PLEC: variants seen among roughly 807,000 people sequenced by gnomAD.
PLEC encodes the protein plectin, also known as hemidesmosomal protein 1.
PLEC carries 216 observed loss-of-function variants against 392.8 expected under a neutral mutation model. The observed-to-expected ratio is 0.55, with a 90% confidence interval of 0.49 to 0.62. The LOEUF is 0.62. Among genes scored for constraint, PLEC ranks in the 20% least tolerant of loss-of-function variants. The pLI is 0.00. For synonymous variants in PLEC, 3,621 were observed against 2,980.6 expected, an observed-to-expected ratio of 1.21 and a Z score of -7.00; for missense variants, 6,863 against 6,563.4, an observed-to-expected ratio of 1.05 and a Z score of -1.58.
At chr8:143,946,302 C>A (rs782529762) in intron 1 of PLEC, 2 of 1,255,622 alleles carry the variant, frequency 1.6e-6, no homozygotes, top group South Asian at 2.5e-5. Context: ...AGAGGCGGCC[C>A]CGGCCCTCTC....
intron 1 of PLEC, chr8:143,944,806 T>G: frequency 1.1e-6 from 1 of 872,738 alleles, no homozygotes; most frequent in Non-Finnish European, 1.6e-6. Context: ...AGCAGCAGCT[T>G]GTGGGGGAGG....
Position 143,929,748 on chromosome 8 carries a change from G to A in PLEC, c.2821C>T (p.Gln941Ter). 1 of 1,600,008 alleles carries A rather than the reference G, an allele frequency of 6.2e-7. No individual in the cohort carries two copies. Among genetic ancestry groups the A allele is most frequent in the Non-Finnish European group, 8.5e-7 (1 of 1,179,198 alleles). The change falls in exon 23 of 32, where the codon CAG becomes TAG. Residue 941 changes from glutamine (Q) to a stop codon, truncating the protein, a stop_gained. Transcript: ENST00000345136. LOFTEE classifies it high-confidence loss of function. ...LHYQAFLRDSQDAGGFGPEDR... is the reference protein window; with the variant it reads ...LHYQAFLRDS ...TCGGGTCCGAAGCCGCCCGCGTCCT[G>A]GCTGTCCCGCAGGAAGGCCTGGTAG...
intron 1 of PLEC, among the ~76,000 whole-genome samples, chr8:143,947,224 G>GGA (rs1270265397): frequency 6.6e-6 from 1 of 152,218 alleles, no homozygotes; most frequent in Non-Finnish European, 1.5e-5. Flanking sequence ...GGTCAAGGGG[G>GGA]GAGGTCAAGG....
rs782269448 is a variant in PLEC at position 143,932,267 on chromosome 8, C to T, written c.1978-33G>A. 1.6e-5 allele frequency: 25 copies of T among 1,608,972 alleles called. No individual in the cohort carries two copies. In the South Asian group the frequency reaches 1.9e-4, roughly 12 times the overall value. ...CAGAGCAAAGGGTCTCAGGGACGGCCGGCCACACCCGGCTCTGCCACGCTC... is the reference window on the plus strand; with the variant it reads ...CAGAGCAAAGGGTCTCAGGGACGGCTGGCCACACCCGGCTCTGCCACGCTC... On this transcript the variant is annotated intron_variant, in intron 16 of 31. Coordinates refer to ENST00000345136, the MANE Select transcript of PLEC (RefSeq NM_201384.3).
rs781873617 is a variant in PLEC at position 143,922,366 on chromosome 8, C to T, written c.7455G>A (p.Leu2485=). The T allele has an allele frequency of 6.2e-7, 1 of 1,603,584 alleles. No homozygotes were observed. Among genetic ancestry groups the T allele is most frequent in the South Asian group, 1.1e-5 (1 of 91,060 alleles). The part of the protein sequence containing the change: ...EMQTVQQEQL[L]QETQALQQSF... ...TTTGCTGCAGGGCCTGCGTCTCCTG[C>T]AGCAGCTGCTCCTGCTGCACCGTCT... Residue 2485 remains leucine, a synonymous_variant, in exon 32 of 32, where the codon CTG becomes CTA. Coordinates refer to ENST00000345136, the MANE Select transcript of PLEC (RefSeq NM_201384.3).
At position 143,933,261 on chromosome 8, in the gene PLEC, G is replaced by A. The variant is rs1266909152; in HGVS notation, c.1354C>T (p.Leu452Phe). The A allele has an allele frequency of 6.2e-7, 1 of 1,613,070 alleles. No homozygotes were observed. The highest frequency in any genetic ancestry group is 8.5e-7 in the Non-Finnish European group (1 of 1,179,984). ...TTGAGGGTCTGCACGTCGTTGAAGA[G>A]CAGCCGGATCATGCTATCCGCCTTG... ...LDKADSMIRL[L>F]FNDVQTLKDG... Residue 452 changes from leucine to phenylalanine, a missense_variant, in exon 13 of 32, where the codon CTC becomes TTC. By Grantham distance (22) the Leu-to-Phe change is conservative. Transcript: ENST00000345136.
In PLEC at chr8:143,920,111, G is replaced by T; in HGVS notation, c.9710C>A (p.Thr3237Asn). 1.9e-6 allele frequency: 3 copies of T among 1,613,050 alleles called. No individual in the cohort carries two copies. The highest frequency in any genetic ancestry group is 1.3e-5 in the African/African-American group (1 of 75,062). Residue 3237 changes from threonine (T) to asparagine (N), a missense_variant, in exon 32 of 32, where the codon ACC (threonine) becomes AAC (asparagine). By Grantham distance (65) the Thr-to-Asn change is moderately conservative. Coordinates refer to ENST00000345136, the MANE Select transcript of PLEC (RefSeq NM_201384.3). The part of the protein sequence containing the change: ...ELQARETFEK[T>N]PVEVPVGGFK... The stretch of plus-strand genomic sequence containing the variant: ...GCCACCCACGGGGACCTCAACCGGG[G>T]TCTTTTCAAAGGTCTCACGGGCCTG...
chr8:143,922,370 A>G lies in PLEC; in HGVS notation c.7451T>C (p.Leu2484Pro). ...EEMQTVQQEQ[L>P]LQETQALQQS... The stretch of plus-strand genomic sequence containing the variant: ...CTGCAGGGCCTGCGTCTCCTGCAGC[A>G]GCTGCTCCTGCTGCACCGTCTGCAT... The change falls in exon 32 of 32, where the codon CTG (leucine) becomes CCG (proline). Residue 2484 changes from leucine (L) to proline (P), a missense_variant. Transcript: ENST00000345136. 1 of 1,603,368 alleles carries G rather than the reference A, an allele frequency of 6.2e-7. No individual in the cohort carries two copies. Among genetic ancestry groups the G allele is most frequent in the Non-Finnish European group, 8.5e-7 (1 of 1,179,968 alleles).
chr8:143,968,409 A>C (rs1405405188), intron 1 of PLEC, among the ~76,000 whole-genome samples: 1 of 151,904 alleles, frequency 6.6e-6, no homozygotes, highest in African/African-American at 2.4e-5. Context: ...ATCTCTACTA[A>C]AAATACAAAA....
intron 1 of PLEC, among the ~76,000 whole-genome samples, chr8:143,947,251 G>C (rs1034002748): frequency 6.6e-6 from 1 of 152,188 alleles, no homozygotes; most frequent in Admixed American, 6.5e-5. Flanking sequence ...CGTGTCCTCC[G>C]TGTAGAGGGG....
At chr8:143,964,315 G>A (rs782329137) in intron 1 of PLEC, among the ~76,000 whole-genome samples, 56 of 152,284 alleles carry the variant, frequency 3.7e-4, no homozygotes, top group Non-Finnish European at 3.5e-4. Context: ...TTTGGAAAAA[G>A]GGTCTTTGCA....
rs1285701720 is a variant in PLEC, at chr8:143,915,961, G to A, written c.*216C>T. On this transcript the variant is annotated 3_prime_UTR_variant, in exon 32 of 32. Coordinates refer to ENST00000345136, the MANE Select transcript of PLEC (RefSeq NM_201384.3). ...CAGGTAGAAGGGAGTGAGGAGACCC[G>A]AGGGGGTGAGGCGGCCAGCAGGGCT... is the stretch of plus-strand genomic sequence containing the variant. The A allele has an allele frequency of 2.8e-5, 12 of 435,968 alleles. No homozygotes were observed. The highest frequency in any genetic ancestry group is 4.2e-5 in the Admixed American group (1 of 23,900). 27.0% of individuals were successfully genotyped at this position (435,968 alleles called of 1,614,324 possible). A position where few individuals can be genotyped will look rare whatever the true frequency, so the allele number is the denominator to read the frequency against.
At chr8:143,960,656 C>T (rs1361686694) in intron 1 of PLEC, among the ~76,000 whole-genome samples, 1 of 152,072 alleles carries the variant, frequency 6.6e-6, no homozygotes, top group Non-Finnish European at 1.5e-5. Context: ...TACATTCTTC[C>T]CTTCACTAAA....
rs768777924 is a variant in PLEC, at chr8:143,965,449, C to T, written c.70+7954G>A. Among the ~76,000 whole-genome samples the T allele has an allele frequency of 2.0e-5, 3 of 152,252 alleles. No homozygotes were observed. In the East Asian group the frequency reaches 5.8e-4, roughly 29 times the overall value. On this transcript the variant is annotated intron_variant, in intron 1 of 31. Transcript: ENST00000356346. ...CCTTCCACTGGGCCTACAGATGACC[C>T]GGCCCATGCCCCATTTTGGGTCCCT...
chr8:143,926,067 G>A (rs1825065665), intron 30 of PLEC, among the ~76,000 whole-genome samples, 183 bp from the exon 31 acceptor site: 2 of 152,276 alleles, frequency 1.3e-5, no homozygotes, highest in Admixed American at 6.5e-5. Flanking sequence ...AGCGATCGCA[G>A]CCGGCCCCAC....
intron 18 of PLEC, 100 bp from the exon 19 acceptor site, chr8:143,931,759 G>A (rs2131856519): frequency 6.5e-7 from 1 of 1,538,598 alleles, no homozygotes; most frequent in Non-Finnish European, 8.8e-7. Flanking sequence ...TGAGGAAGGA[G>A]TGGCAAAGCC....
At chr8:143,937,854 C>A in intron 3 of PLEC, 1 of 604,624 alleles carries the variant, frequency 1.7e-6, no homozygotes, top group Non-Finnish European at 3.1e-6. Context: ...AGCAGAGAAA[C>A]CAAAGCAAAG....
chr8:143,939,604 T>C, upstream of PLEC: 2 of 1,484,952 alleles, frequency 1.3e-6, no homozygotes, highest in Non-Finnish European at 1.8e-6. Flanking sequence ...CCCCAGTCGG[T>C]GCGGCCACTC....
At chr8:143,939,105 G>A (rs1351878786) in intron 1 of PLEC, among the ~76,000 whole-genome samples, 1 of 152,164 alleles carries the variant, frequency 6.6e-6, no homozygotes, top group Non-Finnish European at 1.5e-5. Context: ...ACAGGGCAGC[G>A]AACCTTCCCC....
Sources: allele counts gnomAD v4.1 joint callset (sites outside exome capture counted in the v4.1 genomes callset), GRCh38; gene constraint gnomAD v4.1.1; transcripts MANE v1.5; gene names NCBI Gene and HGNC (gene_info 2026-07-23, HGNC 2026-07-21).